Variants in PCDH15 observed in about 807,000 individuals in gnomAD.
PCDH15 encodes protocadherin-15.
PCDH15 carries 129 observed loss-of-function variants against 178.5 expected under a neutral mutation model. The observed-to-expected ratio is 0.72, with a 90% CI of 0.63 to 0.84. PCDH15 has a LOEUF of 0.84. Ranked by LOEUF, PCDH15 falls within the 40% of genes least tolerant of loss-of-function variation. The pLI is 0.00. For missense variants in PCDH15, 2,230 were observed against 2,099.9 expected, an observed-to-expected ratio of 1.06 and a Z score of -1.21; for synonymous variants, 800 against 732.0, an observed-to-expected ratio of 1.09 and a Z score of -1.50.
At chr10:54,078,752 C>CA (rs1831419666) in intron 17 of PCDH15, among the ~76,000 whole-genome samples, 1 of 90,578 alleles carries the variant, frequency 1.1e-5, no homozygotes, top group Admixed American at 1.2e-4. Context: ...GAATGTCTAA[C>CA]AATTTTTTTT....
chr10:53,885,205 A>C (rs1406829000), intron 26 of PCDH15, among the ~76,000 whole-genome samples: 3 of 152,094 alleles, frequency 2.0e-5, no homozygotes, highest in Non-Finnish European at 4.4e-5. Flanking sequence ...TTTTTTATAT[A>C]GATTGTGCCC....
chr10:55,359,219 A>G (rs1399221547), intron 2 of PCDH15, among the ~76,000 whole-genome samples: 1 of 151,460 alleles, frequency 6.6e-6, no homozygotes, highest in African/African-American at 2.4e-5. Flanking sequence ...AAAATAAATT[A>G]GTTTTTTTTT....
chr10:54,340,898 A>G (rs1942099132), intron 6 of PCDH15, among the ~76,000 whole-genome samples: 1 of 152,042 alleles, frequency 6.6e-6, no homozygotes, highest in Non-Finnish European at 1.5e-5. Context: ...TACCAGTTTA[A>G]CATTCCCAGA....
intron 21 of PCDH15, among the ~76,000 whole-genome samples, chr10:53,991,022 C>G (rs1358813691): frequency 1.3e-5 from 2 of 152,286 alleles, no homozygotes; most frequent in African/African-American, 4.8e-5. Flanking sequence ...CACTCGAATT[C>G]TCGCCAGGCC....
chr10:55,598,547 T>TAGATAG (rs1564473898), intron 2 of PCDH15, among the ~76,000 whole-genome samples: 1 of 50,204 alleles, frequency 2.0e-5, no homozygotes, highest in African/African-American at 1.1e-4. Flanking sequence ...TATATATATA[T>TAGATAG]ATATATATAT....
intron 3 of PCDH15, among the ~76,000 whole-genome samples, chr10:54,430,051 T>A (rs1413600528): frequency 4.3e-5 from 1 of 23,058 alleles, no homozygotes. Flanking sequence ...TTCTTCTCCT[T>A]TTTTTTTTTT....
chr10:54,874,171 G>T (rs1954094382), intron 3 of PCDH15, among the ~76,000 whole-genome samples: 1 of 87,840 alleles, frequency 1.1e-5, no homozygotes, highest in Non-Finnish European at 2.2e-5. Context: ...CCCTTCCTGT[G>T]TCCATGTGTT....
chr10:54,358,211 C>T (rs1449095032), intron 5 of PCDH15, among the ~76,000 whole-genome samples: 2 of 150,452 alleles, frequency 1.3e-5, no homozygotes, highest in Non-Finnish European at 2.9e-5. Context: ...AAGAAACTAC[C>T]ATCAGAGTGA....
At chr10:55,346,435 C>T (rs1383426797) in intron 2 of PCDH15, among the ~76,000 whole-genome samples, 1 of 152,090 alleles carries the variant, frequency 6.6e-6, no homozygotes, top group Non-Finnish European at 1.5e-5. Context: ...TCAGCTTTCC[C>T]TTAATTCTTA....
At chr10:54,874,551 A>G (rs1954103414) in intron 3 of PCDH15, among the ~76,000 whole-genome samples, 1 of 152,168 alleles carries the variant, frequency 6.6e-6, no homozygotes, top group Admixed American at 6.6e-5. Context: ...AAAAGCCAAA[A>G]TTGACAAATG....
intron 2 of PCDH15, among the ~76,000 whole-genome samples, chr10:55,414,083 A>T (rs1838415617): frequency 6.6e-6 from 1 of 151,662 alleles, no homozygotes; most frequent in South Asian, 2.1e-4. Flanking sequence ...AAAGTTTTTT[A>T]AAATCCTAAA....
chr10:55,190,340 C>A (rs1200815690), intron 1 of PCDH15, among the ~76,000 whole-genome samples: 1 of 150,450 alleles, frequency 6.6e-6, no homozygotes, highest in African/African-American at 2.5e-5. Flanking sequence ...CACACATGCA[C>A]AATAATTTAT....
chr10:54,482,707 ATTC>A (rs1449734409), intron 3 of PCDH15, among the ~76,000 whole-genome samples: 5 of 151,832 alleles, frequency 3.3e-5, no homozygotes, highest in Non-Finnish European at 5.9e-5. Context: ...GATCTCCAAA[ATTC>A]TTCTTTAACT....
In PCDH15 at chr10:54,214,021, A is replaced by T. The variant is rs1414643886; in HGVS notation, c.1013T>A (p.Phe338Tyr). Reference sequence around the variant, plus strand: ...TTCTGCTGTCCTAGGATGCATATGGAAAAATCGTGGGTAATCCTCAGGAGT... The same window carrying T: ...TTCTGCTGTCCTAGGATGCATATGGTAAAATCGTGGGTAATCCTCAGGAGT... ...VGTPEDYPRF[F>Y]HMHPRTAELS... Residue 338 changes from phenylalanine (F) to tyrosine (Y), a missense_variant, in exon 10 of 38, where the codon TTC (phenylalanine) becomes TAC (tyrosine). Transcript: ENST00000644397. The T allele has an allele frequency of 6.2e-7, 1 of 1,609,624 alleles. No homozygotes were observed. Among genetic ancestry groups the T allele is most frequent in the Non-Finnish European group, 8.5e-7 (1 of 1,176,246 alleles).
intron 3 of PCDH15, among the ~76,000 whole-genome samples, chr10:54,420,949 A>T (rs1955191930): frequency 6.6e-6 from 1 of 152,134 alleles, no homozygotes; most frequent in African/African-American, 2.4e-5. Flanking sequence ...GATCATTGGT[A>T]GAGATAGGCT....
chr10:54,002,911 C>T (rs1214406812), intron 20 of PCDH15, among the ~76,000 whole-genome samples: 1 of 152,154 alleles, frequency 6.6e-6, no homozygotes, highest in Admixed American at 6.5e-5. Context: ...CCTTCCAGGT[C>T]CCCTTCCACC....
intron 3 of PCDH15, among the ~76,000 whole-genome samples, chr10:54,854,154 A>G (rs1953693019): frequency 1.3e-5 from 2 of 152,160 alleles, no homozygotes; most frequent in African/African-American, 4.8e-5. Flanking sequence ...GACTCTCTGC[A>G]AGGCTGTGGC....
chr10:54,620,347 C>A (rs1480992296), intron 2 of PCDH15, among the ~76,000 whole-genome samples: 1 of 151,900 alleles, frequency 6.6e-6, no homozygotes, highest in Non-Finnish European at 1.5e-5. Flanking sequence ...AAATCTGATA[C>A]AATGGATTTA....
intron 1 of PCDH15, among the ~76,000 whole-genome samples, chr10:55,259,569 G>A (rs1842095205): frequency 6.6e-6 from 1 of 152,030 alleles, no homozygotes; most frequent in Non-Finnish European, 1.5e-5. Context: ...AGAATAGGAG[G>A]AGACCTGAGG....
Sources: gnomAD v4.1 joint callset for allele counts (sites outside exome capture counted in the v4.1 genomes callset) on GRCh38, gnomAD v4.1.1 for gene constraint, MANE v1.5 for transcripts, NCBI Gene and HGNC (gene_info 2026-07-23, HGNC 2026-07-21) for gene names.